Variants in SORL1 observed in about 807,000 individuals in gnomAD.
The protein encoded by SORL1 is sortilin related receptor 1, also known as sortilin-related receptor.
Under a neutral mutation model 273.7 loss-of-function variants are expected in SORL1, and 127 were observed. The ratio of observed to expected loss-of-function variants is 0.46; its 90% CI spans 0.40 to 0.54. The LOEUF is 0.54. Ranked by LOEUF, SORL1 falls within the 20% of genes least tolerant of loss-of-function variation. The pLI is 0.00. For synonymous variants in SORL1, 1,031 were observed against 1,067.4 expected, an observed-to-expected ratio of 0.97 and a Z score of 0.66; for missense variants, 2,494 against 2,846.1, an observed-to-expected ratio of 0.88 and a Z score of 2.81.
At chr11:121,490,897 AAC>A (rs1158902409) in intron 5 of SORL1, among the ~76,000 whole-genome samples, 9 of 152,346 alleles carry the variant, frequency 5.9e-5, no homozygotes, top group Admixed American at 6.5e-5. Context: ...TCAGGTACGT[AAC>A]ACACATTGTG....
chr11:121,607,459 T>G (rs1863496075), intron 37 of SORL1, among the ~76,000 whole-genome samples, 169 bp downstream of exon 37: 1 of 152,200 alleles, frequency 6.6e-6, no homozygotes, highest in South Asian at 2.1e-4. Flanking sequence ...TTTCAGTCTC[T>G]TAAATGGACA....
chr11:121,627,415 G>A lies in SORL1; in HGVS notation c.6365-140G>A. On this transcript the variant is annotated intron_variant, in intron 46 of 47. Transcript: ENST00000260197. The surrounding 1 kb of genome is among the most constrained non-coding windows in gnomAD (Gnocchi z 4.9). The stretch of plus-strand genomic sequence containing the variant: ...AGCAATCAGGCATCACGCACATGCA[G>A]AAACGTCTCACACCAGACAGGCAGT... The A allele has an allele frequency of 1.4e-6, 1 of 693,866 alleles. No individual in the cohort carries two copies. The highest frequency in any genetic ancestry group is 2.5e-6 in the Non-Finnish European group (1 of 394,172). The allele number at this position is 693,866 out of a possible 1,614,324, so 43.0% of individuals were successfully genotyped here.
chr11:121,612,624 A>G (rs1863583303), intron 39 of SORL1, 112 bp from the exon 40 acceptor site: 2 of 756,352 alleles, frequency 2.6e-6, no homozygotes, highest in Admixed American at 5.0e-5. Flanking sequence ...CACTGTAAGA[A>G]TGAGATACCC....
intron 3 of SORL1, among the ~76,000 whole-genome samples, chr11:121,486,663 T>A (rs1861477175): frequency 1.3e-5 from 2 of 151,846 alleles, no homozygotes; most frequent in African/African-American, 4.8e-5. Context: ...GTATTTTTAG[T>A]AGAGATGGGT....
intron 5 of SORL1, among the ~76,000 whole-genome samples, chr11:121,495,677 G>T (rs1007411024): frequency 6.6e-6 from 1 of 152,306 alleles, no homozygotes; most frequent in South Asian, 2.1e-4. Context: ...TCTTGAGAAT[G>T]TTAGGAGACC....
rs375924204 is a variant in SORL1 at position 121,611,241 on chromosome 11, AAAAAAAC to A, written c.5322+104_5322+110del. On this transcript the variant is annotated intron_variant, in intron 39 of 47. Transcript: ENST00000260197. ...AAAGGACATAGCACAGTAAGACTGGAAAAAAACAAAAAACAAAAAACAAAAAAAACGA... is the reference window on the plus strand; with the variant it reads ...AAAGGACATAGCACAGTAAGACTGGAAAAAAACAAAAAACAAAAAAAACGA... The A allele has an allele frequency of 4.0e-4, 388 of 974,084 alleles. 1 individual carries two copies. In the African/African-American group the frequency reaches 5.0e-3, roughly 12 times the overall value. The allele number at this position is 974,084 out of a possible 1,614,324, so 60.3% of individuals were successfully genotyped here.
At position 121,619,756 on chromosome 11, in the gene SORL1, C is replaced by T. The variant is rs762818674; in HGVS notation, c.5728C>T (p.Arg1910Cys). ...SKDEQYLFLVRVVVPYQGPSS... is the reference protein window; with the variant it reads ...SKDEQYLFLVCVVVPYQGPSS... ...TACGTGTGTGCTTGGGCTTCAGGTC[C>T]GTGTAGTGGTACCCTACCAGGGGCC... Residue 1910 changes from arginine to cysteine, a missense_variant, in exon 43 of 48, where the codon CGT becomes TGT. Physicochemically the swap from Arg to Cys is radical, Grantham distance 180. Coordinates refer to ENST00000260197, the MANE Select transcript of SORL1 (RefSeq NM_003105.6). The T allele has an allele frequency of 1.7e-5, 27 of 1,612,862 alleles. No individual in the cohort carries two copies. The highest frequency in any genetic ancestry group is 2.2e-5 in the East Asian group (1 of 44,858).
chr11:121,485,508 A>T (rs985385160), intron 3 of SORL1, among the ~76,000 whole-genome samples: 3 of 152,180 alleles, frequency 2.0e-5, no homozygotes, highest in Non-Finnish European at 4.4e-5. Flanking sequence ...CCTGAATGAG[A>T]TAGGGCATGC....
In SORL1 at chr11:121,469,990, A is replaced by T; in HGVS notation, c.286-17A>T. The T allele has an allele frequency of 6.5e-7, 1 of 1,550,112 alleles. No homozygotes were observed. The highest frequency in any genetic ancestry group is 8.9e-7 in the Non-Finnish European group (1 of 1,121,542). ...TCACTTATCGTGGGTCCTAATTCCT[A>T]CATTGATCTCTTTCAGGTTAGTCTG... On this transcript the variant is annotated splice_polypyrimidine_tract_variant and intron_variant, in intron 1 of 47. Coordinates refer to ENST00000260197, the MANE Select transcript of SORL1 (RefSeq NM_003105.6).
chr11:121,625,205 C>A lies in SORL1; in HGVS notation c.6292C>A (p.Gln2098Lys), dbSNP rs1863778128. The change falls in exon 46 of 48, where the codon CAA (glutamine) becomes AAA (lysine). Residue 2098 changes from glutamine to lysine, a missense_variant. Gln to Lys is a moderately conservative substitution (Grantham distance 53). Transcript: ENST00000260197. Reference sequence around the variant, plus strand: ...GGGTCATAATTACACGTTCACCGTCCAAGCAAGATGCCTTTTTGGCAACCA... The same window carrying A: ...GGGTCATAATTACACGTTCACCGTCAAAGCAAGATGCCTTTTTGGCAACCA... ...KMGHNYTFTV[Q>K]ARCLFGNQIC... 2.5e-6 allele frequency: 4 copies of A among 1,614,092 alleles called. No individual in the cohort carries two copies. Among genetic ancestry groups the A allele is most frequent in the Non-Finnish European group, 3.4e-6 (4 of 1,179,988 alleles).
chr11:121,495,916 T>C (rs1861622495), intron 5 of SORL1, among the ~76,000 whole-genome samples: 1 of 152,246 alleles, frequency 6.6e-6, no homozygotes, highest in Non-Finnish European at 1.5e-5. Flanking sequence ...ATACTGTGTC[T>C]AGGAAGCTCA....
chr11:121,575,462 A>C (rs1045211586), intron 24 of SORL1, among the ~76,000 whole-genome samples: 2 of 152,236 alleles, frequency 1.3e-5, no homozygotes, highest in African/African-American at 4.8e-5. Context: ...CTCCCTGTCC[A>C]CGGGGGGCAG....
chr11:121,471,970 C>T (rs906707642), intron 2 of SORL1, among the ~76,000 whole-genome samples: 3 of 152,170 alleles, frequency 2.0e-5, no homozygotes, highest in Admixed American at 2.0e-4. Context: ...GTGGCCACCA[C>T]AGACAGCTGT....
intron 1 of SORL1, among the ~76,000 whole-genome samples, chr11:121,455,015 T>G (rs1860880120): frequency 6.6e-6 from 1 of 152,214 alleles, no homozygotes; most frequent in Admixed American, 6.5e-5. Flanking sequence ...CACTTTGTAA[T>G]CACGACTTTC....
At chr11:121,558,905 G>A (rs1348030288) in intron 20 of SORL1, 68 bp downstream of exon 20, 13 of 1,570,082 alleles carry the variant, frequency 8.3e-6, no homozygotes, top group Middle Eastern at 3.4e-4. Context: ...TCAGGAGCCT[G>A]CATCCCTGGG....
chr11:121,624,319 G>C (rs1245218567), intron 45 of SORL1, among the ~76,000 whole-genome samples: 1 of 152,202 alleles, frequency 6.6e-6, no homozygotes, highest in African/African-American at 2.4e-5. Context: ...GGGGATGGTG[G>C]AGAGTGTCAG....
chr11:121,490,690 G>A (rs902339577), intron 5 of SORL1, among the ~76,000 whole-genome samples: 1 of 142,924 alleles, frequency 7.0e-6, no homozygotes, highest in Non-Finnish European at 1.5e-5. Flanking sequence ...GCAGTGAGCC[G>A]AGATCGCATC....
intron 3 of SORL1, among the ~76,000 whole-genome samples, chr11:121,480,859 G>C (rs2511257): frequency 2.8e-5 from 4 of 142,044 alleles, no homozygotes; most frequent in African/African-American, 1.1e-4. Context: ...CTATAGGCAG[G>C]CTCCATCTCT....
At chr11:121,623,318 C>T (rs17125558) in intron 45 of SORL1, among the ~76,000 whole-genome samples, 5,558 of 152,208 alleles carry the variant, frequency 0.037, 152 homozygotes, top group African/African-American at 0.075. Flanking sequence ...GGGAAGTAAA[C>T]GTTCTGGGAA....
Sources: gnomAD v4.1 joint callset for allele counts (sites outside exome capture counted in the v4.1 genomes callset) on GRCh38, gnomAD v4.1.1 for gene constraint, Gnocchi (gnomAD v3.1) non-coding constraint, MANE v1.5 for transcripts, NCBI Gene and HGNC (gene_info 2026-07-23, HGNC 2026-07-21) for gene names.